FHIP1A: variants seen among roughly 807,000 people sequenced by gnomAD.
FHIP1A encodes the protein FHF complex subunit HOOK interacting protein 1A, also known as FHF complex subunit HOOK-interacting protein 1A.
In FHIP1A, 61 loss-of-function variants were observed where a neutral mutation model predicts 88.6. The observed-to-expected ratio is 0.69, with a 90% confidence interval of 0.56 to 0.85. The LOEUF is 0.85. Ranked by LOEUF, FHIP1A falls within the 40% of genes least tolerant of loss-of-function variation. The pLI is 0.00. For synonymous variants in FHIP1A, 478 were observed against 496.0 expected (o/e 0.96, Z 0.48); for missense variants, 1,154 against 1,273.5 (o/e 0.91, Z 1.43).
intron 11 of FHIP1A, among the ~76,000 whole-genome samples, chr4:151,653,485 C>T (rs1325415906): frequency 1.3e-5 from 2 of 152,138 alleles, no homozygotes; most frequent in African/African-American, 4.8e-5. Context: ...GCTGGGTTCA[C>T]TTAGCATTCT....
rs1441432302 is a variant in FHIP1A at position 151,412,570 on chromosome 4, CTTT to C, written c.-356+3106_-356+3108del. On this transcript the variant is annotated intron_variant, in intron 1 of 13. Coordinates refer to ENST00000435205, the MANE Select transcript of FHIP1A (RefSeq NM_001109977.3). ...GGCTTTTCTTTTTCTTTCTTTCTTT[CTTT>C]CTTTCCTTTCTTTCCTTCCTTCCTT... 8.1e-3 allele frequency among the ~76,000 whole-genome samples: 1,113 copies of C among 137,440 alleles called. 13 individuals carry two copies. Among genetic ancestry groups the C allele is most frequent in the African/African-American group, 0.03 (1,058 of 35,296 alleles). The allele number at this position is 137,440 out of a possible 152,430, so 90.2% of individuals were successfully genotyped here. A position where few individuals can be genotyped will look rare whatever the true frequency, so the allele number is the denominator to read the frequency against.
chr4:151,598,244 C>T (rs1432939391), intron 7 of FHIP1A, among the ~76,000 whole-genome samples: 1 of 152,084 alleles, frequency 6.6e-6, no homozygotes, highest in Non-Finnish European at 1.5e-5. Flanking sequence ...ATGCACTGTT[C>T]CTCACGGCAC....
Position 151,614,105 on chromosome 4 carries a change from G to A in FHIP1A, c.979-15597G>A, listed in dbSNP as rs1407517638. Among the ~76,000 whole-genome samples the A allele has an allele frequency of 2.0e-5, 3 of 151,468 alleles. No individual in the cohort carries two copies. In the East Asian group the frequency reaches 5.8e-4, roughly 29 times the overall value. ...TTGAACGTAGGAGGTGGAGGTTGCC[G>A]TGAGCTGAGATTGTGCCATTGCACT... On this transcript the variant is annotated intron_variant, in intron 7 of 13. Coordinates refer to ENST00000435205, the MANE Select transcript of FHIP1A (RefSeq NM_001109977.3).
chr4:151,596,622 A>C (rs1734660130), intron 7 of FHIP1A, among the ~76,000 whole-genome samples: 1 of 152,128 alleles, frequency 6.6e-6, no homozygotes, highest in African/African-American at 2.4e-5. Context: ...AGTGTTTTCC[A>C]AGTTGGCTTC....
At chr4:151,459,217 C>T (rs992916847) in intron 2 of FHIP1A, among the ~76,000 whole-genome samples, 3 of 151,580 alleles carry the variant, frequency 2.0e-5, no homozygotes, top group Admixed American at 6.6e-5. Flanking sequence ...AAAGTATTAC[C>T]GGAGTATATC....
intron 3 of FHIP1A, among the ~76,000 whole-genome samples, chr4:151,558,530 C>T (rs1380516836): frequency 1.5e-5 from 2 of 131,368 alleles, no homozygotes; most frequent in Non-Finnish European, 3.4e-5. Flanking sequence ...AACATCCTGT[C>T]TCAAACAAAA....
intron 13 of FHIP1A, among the ~76,000 whole-genome samples, chr4:151,660,762 T>G (rs1241004224): frequency 2.6e-5 from 4 of 152,186 alleles, no homozygotes; most frequent in Admixed American, 2.0e-4. Flanking sequence ...TAGGAATGAC[T>G]TCTGGGGGCA....
At chr4:151,659,417 G>T (rs1737370317) in intron 13 of FHIP1A, among the ~76,000 whole-genome samples, 1 of 152,166 alleles carries the variant, frequency 6.6e-6, no homozygotes, top group East Asian at 1.9e-4. Context: ...CTGGGATACA[G>T]AGCAATTTAC....
chr4:151,555,513 T>C (rs750274092), intron 3 of FHIP1A, among the ~76,000 whole-genome samples: 3 of 152,216 alleles, frequency 2.0e-5, no homozygotes, highest in Admixed American at 6.5e-5. Flanking sequence ...TCTGTACTTT[T>C]TTATTTTACT....
chr4:151,616,903 A>G (rs13125443), intron 7 of FHIP1A, among the ~76,000 whole-genome samples: 1 of 152,080 alleles, frequency 6.6e-6, no homozygotes, highest in African/African-American at 2.4e-5. Context: ...ACGGGCCACC[A>G]CACCCAGCTA....
chr4:151,426,499 T>G (rs1176371185), intron 1 of FHIP1A, among the ~76,000 whole-genome samples: 1 of 152,204 alleles, frequency 6.6e-6, no homozygotes, highest in African/African-American at 2.4e-5. Flanking sequence ...GTTCAGAAAT[T>G]ATAAAATGAC....
chr4:151,660,975 T>C (rs1737434729), intron 13 of FHIP1A, among the ~76,000 whole-genome samples: 1 of 152,202 alleles, frequency 6.6e-6, no homozygotes, highest in African/African-American at 2.4e-5. Flanking sequence ...AGCCAGCAAG[T>C]GGCAGACTCT....
intron 3 of FHIP1A, among the ~76,000 whole-genome samples, chr4:151,496,784 A>G (rs1239161943): frequency 7.4e-6 from 1 of 135,704 alleles, no homozygotes; most frequent in Non-Finnish European, 1.5e-5. Context: ...CTGGTTTTGA[A>G]CTCCTGAGCT....
chr4:151,496,713 C>T (rs1221056223), intron 3 of FHIP1A, among the ~76,000 whole-genome samples: 2 of 71,572 alleles, frequency 2.8e-5, no homozygotes, highest in Admixed American at 2.4e-4. Flanking sequence ...CCACCACGTC[C>T]AGCTTTTTTT....
At chr4:151,591,009 A>G (rs1734403037) in intron 7 of FHIP1A, among the ~76,000 whole-genome samples, 1 of 152,270 alleles carries the variant, frequency 6.6e-6, no homozygotes, top group South Asian at 2.1e-4. Flanking sequence ...TCAGGGCTAT[A>G]TAGCAACTAG....
chr4:151,411,374 C>A (rs1397218104), intron 1 of FHIP1A, among the ~76,000 whole-genome samples: 16 of 44,406 alleles, frequency 3.6e-4, no homozygotes, highest in African/African-American at 7.7e-4. Flanking sequence ...AAGTTAGGGT[C>A]TCTCTCTCTC....
intron 7 of FHIP1A, among the ~76,000 whole-genome samples, chr4:151,624,414 G>A (rs1011539441): frequency 1.3e-5 from 2 of 152,064 alleles, no homozygotes; most frequent in African/African-American, 2.4e-5. Flanking sequence ...TTTTCCCCAG[G>A]CAGACAGACC....
chr4:151,433,381 G>T (rs1164547165), intron 1 of FHIP1A, among the ~76,000 whole-genome samples: 4 of 151,760 alleles, frequency 2.6e-5, no homozygotes, highest in Non-Finnish European at 5.9e-5. Context: ...GATGTGGAAA[G>T]TTAGGGAGAA....
chr4:151,524,037 C>A (rs150991516), intron 3 of FHIP1A, among the ~76,000 whole-genome samples: 1 of 152,094 alleles, frequency 6.6e-6, no homozygotes, highest in Admixed American at 6.5e-5. Context: ...ATTGGCCAGG[C>A]GTGGTGGCTC....
Sources: gnomAD v4.1 joint callset for allele counts (sites outside exome capture counted in the v4.1 genomes callset) on GRCh38, gnomAD v4.1.1 for gene constraint, MANE v1.5 for transcripts, NCBI Gene and HGNC (gene_info 2026-07-23, HGNC 2026-07-21) for gene names.